PLEC: variants seen among roughly 807,000 people sequenced by gnomAD.
The protein encoded by PLEC is plectin.
PLEC carries 216 observed loss-of-function variants against 392.8 expected under a neutral mutation model. The observed-to-expected ratio is 0.55, with a 90% confidence interval of 0.49 to 0.62. The LOEUF is 0.62. PLEC is among the 20% of genes least tolerant of loss of function. The pLI, the probability that PLEC is intolerant of heterozygous loss-of-function variation, is 0.00. For synonymous variants in PLEC, 3,621 were observed against 2,980.6 expected, an observed-to-expected ratio of 1.21 and a Z score of -7.00; for missense variants, 6,863 against 6,563.4, an observed-to-expected ratio of 1.05 and a Z score of -1.58.
intron 25 of PLEC, among the ~76,000 whole-genome samples, 162 bp from the exon 26 acceptor site, chr8:143,928,154 C>G (rs1278083937): frequency 1.3e-5 from 2 of 152,278 alleles, no homozygotes; most frequent in Admixed American, 6.5e-5. Context: ...AGGAGAAGAA[C>G]AGCCTTGGGG....
At chr8:143,953,517 G>A (rs940852331), upstream of PLEC, among the ~76,000 whole-genome samples, 10 of 152,150 alleles carry the variant, frequency 6.6e-5, no homozygotes, top group African/African-American at 9.6e-5. Context: ...GCAGGGCTGC[G>A]GAGCCGCTGA....
At chr8:143,945,627 C>T (rs571366242) in intron 1 of PLEC, among the ~76,000 whole-genome samples, 14 of 152,336 alleles carry the variant, frequency 9.2e-5, no homozygotes, top group African/African-American at 3.1e-4. Context: ...ACCATGAAGG[C>T]CTCATACAGA....
At chr8:143,934,519 C>T (rs1828428167) in intron 10 of PLEC, 74 bp from the exon 11 acceptor site, 1 of 1,601,350 alleles carries the variant, frequency 6.2e-7, no homozygotes, top group Non-Finnish European at 8.5e-7. Context: ...CAGACCCCAG[C>T]CCACCAGACC....
rs372420776 is a variant in PLEC, at chr8:143,922,691, A to G, written c.7238T>C (p.Ile2413Thr). The G allele has an allele frequency of 6.2e-7, 1 of 1,612,530 alleles. No individual in the cohort carries two copies. The highest frequency in any genetic ancestry group is 8.5e-7 in the Non-Finnish European group (1 of 1,179,842). The change falls in exon 31 of 32, where the codon ATC (isoleucine) becomes ACC (threonine). Residue 2413 changes from isoleucine to threonine, a missense_variant. By Grantham distance (89) the Ile-to-Thr change is moderately conservative (BLOSUM62 -1). Transcript: ENST00000345136. ...CTCCGTGCGGTGCAGCTTCTCACCG[A>G]TCTCCTCCGCCTGCTTCCGGAAGCG... ...AQRFRKQAEE[I>T]GEKLHRTELA...
chr8:143,939,748 G>A (rs558075071), upstream of PLEC, among the ~76,000 whole-genome samples: 4 of 152,054 alleles, frequency 2.6e-5, no homozygotes, highest in Non-Finnish European at 5.9e-5. Context: ...CCCTCGGCCC[G>A]CCAGAAACAG....
rs782098286 is a variant in PLEC, at chr8:143,919,897, G to C, written c.9924C>G (p.Leu3308=). Residue 3308 remains leucine (L), a synonymous_variant, in exon 32 of 32, where the codon CTC becomes CTG. Coordinates refer to ENST00000345136, the MANE Select transcript of PLEC (RefSeq NM_201384.3). Reference sequence around the variant, plus strand: ...GCTCGCTGGCTGGCACAGGGGCACGGAGGCCGCTGAAGGACAGCCTCTCCT... The same window carrying C: ...GCTCGCTGGCTGGCACAGGGGCACGCAGGCCGCTGAAGGACAGCCTCTCCT... The part of the protein sequence containing the change: ...LRQERLSFSG[L]RAPVPASELL... 1.9e-6 allele frequency: 3 copies of C among 1,613,096 alleles called. No individual in the cohort carries two copies. Among genetic ancestry groups the C allele is most frequent in the East Asian group, 4.5e-5 (2 of 44,882 alleles).
At position 143,925,403 on chromosome 8, in the gene PLEC, C is replaced by T. The variant is rs782666455; in HGVS notation, c.4526G>A (p.Arg1509His). 620 of 1,589,734 alleles carry T rather than the reference C, an allele frequency of 3.9e-4. 1 individual carries two copies. The highest frequency in any genetic ancestry group is 4.9e-4 in the East Asian group (22 of 44,552). Residue 1509 changes from arginine to histidine, a missense_variant, in exon 31 of 32, where the codon CGT becomes CAT. Physicochemically the swap from Arg to His is conservative, Grantham distance 29. Coordinates refer to ENST00000345136, the MANE Select transcript of PLEC (RefSeq NM_201384.3). ...CAGCTCCACCTCCGCCTGCCGCTTA[C>T]GCTGGCTCTCGTCCTGCACCTGCCT... is the stretch of plus-strand genomic sequence containing the variant. ...LRRQVQDESQRKRQAEVELAS... is the reference protein window; with the variant it reads ...LRRQVQDESQHKRQAEVELAS...
intron 1 of PLEC, among the ~76,000 whole-genome samples, chr8:143,966,376 A>G (rs889731343): frequency 1.2e-4 from 18 of 152,124 alleles, no homozygotes; most frequent in African/African-American, 4.3e-4. Flanking sequence ...CCTGCACCTC[A>G]GTGTCTGCAC....
intron 16 of PLEC, 63 bp downstream of exon 16, chr8:143,932,337 G>A: frequency 6.2e-7 from 1 of 1,609,254 alleles, no homozygotes. Flanking sequence ...TGACCATAGG[G>A]GACGGCCAGG....
chr8:143,939,634 G>A (rs1339520283), upstream of PLEC: 56 of 1,427,180 alleles, frequency 3.9e-5, no homozygotes, highest in Non-Finnish European at 4.5e-5. Context: ...TGTACTCCCC[G>A]GCGAGGCCGG....
intron 1 of PLEC, among the ~76,000 whole-genome samples, chr8:143,966,814 T>C (rs906562727): frequency 6.6e-6 from 1 of 152,134 alleles, no homozygotes; most frequent in South Asian, 2.1e-4. Flanking sequence ...CAATCATCCC[T>C]GTAACCCACA....
rs112253316 is a variant in PLEC at position 143,927,249 on chromosome 8, C to T, written c.3840+3G>A. On this transcript the variant is annotated splice_donor_region_variant and intron_variant, in intron 28 of 31. Transcript: ENST00000345136. ...GGGCCTGGTGCAGGCGGCTGGGCCT[C>T]ACCTTGATGGCGTTGATGTACTGTT... The T allele has an allele frequency of 6.2e-7, 1 of 1,612,956 alleles. No individual in the cohort carries two copies. Among genetic ancestry groups the T allele is most frequent in the South Asian group, 1.1e-5 (1 of 91,088 alleles).
intron 3 of PLEC, among the ~76,000 whole-genome samples, 170 bp downstream of exon 3, chr8:143,937,981 G>A (rs1460355369): frequency 6.6e-6 from 1 of 152,214 alleles, no homozygotes; most frequent in African/African-American, 2.4e-5. Context: ...CAGCAGCCTG[G>A]GCGGGAGGTG....
At chr8:143,972,592 G>T (rs1422308869) in intron 1 of PLEC, among the ~76,000 whole-genome samples, 1 of 152,212 alleles carries the variant, frequency 6.6e-6, no homozygotes, top group Non-Finnish European at 1.5e-5. Context: ...GCTCTGATCG[G>T]CTCTGCCTGG....
At chr8:143,936,939 C>T (rs1364669025) in intron 5 of PLEC, 40 bp downstream of exon 5, 2 of 1,493,244 alleles carry the variant, frequency 1.3e-6, no homozygotes, top group Non-Finnish European at 9.3e-7. Context: ...ACCCTGGAAA[C>T]TCCTGCAGGG....
rs782066152 is a variant in PLEC at position 143,919,405 on chromosome 8, G to A, written c.10416C>T (p.Gly3472=). 153 of 1,613,408 alleles carry A rather than the reference G, an allele frequency of 9.5e-5. 2 individuals are homozygous for A. In the East Asian group the frequency reaches 2.7e-3, roughly 29 times the overall value. ...IRLLEAQIAT[G]GIIDPVHSHR... ...GGCTGTGCACGGGGTCGATGATGCC[G>A]CCCGTGGCGATCTGGGCCTCCAGCA... Residue 3472 remains glycine (G), a synonymous_variant, in exon 32 of 32, where the codon GGC becomes GGT. Transcript: ENST00000345136.
rs782387848 is a variant in PLEC at position 143,929,322 on chromosome 8, C to T, written c.3082-41G>A. 5.0e-6 allele frequency: 8 copies of T among 1,592,904 alleles called. No individual in the cohort carries two copies. In the African/African-American group the frequency reaches 1.1e-4, roughly 21 times the overall value. Reference sequence around the variant, plus strand: ...GTGGGAACGCACTCATCACCGAGCGCAGCACACAGCGCCCCTTGAAGGCCA... The same window carrying T: ...GTGGGAACGCACTCATCACCGAGCGTAGCACACAGCGCCCCTTGAAGGCCA... On this transcript the variant is annotated intron_variant, in intron 24 of 31. Coordinates refer to ENST00000345136, the MANE Select transcript of PLEC (RefSeq NM_201384.3).
rs1554679776 is a variant in PLEC, at chr8:143,919,877, C to T, written c.9944G>A (p.Ser3315Asn). 2.5e-6 allele frequency: 4 copies of T among 1,613,190 alleles called. No individual in the cohort carries two copies. The highest frequency in any genetic ancestry group is 2.5e-6 in the Non-Finnish European group (3 of 1,180,026). Residue 3315 changes from serine to asparagine, a missense_variant, in exon 32 of 32, where the codon AGC becomes AAC. Physicochemically the swap from Ser to Asn is conservative, Grantham distance 46. Coordinates refer to ENST00000345136, the MANE Select transcript of PLEC (RefSeq NM_201384.3). ...FSGLRAPVPA[S>N]ELLASGVLSR... ...GAGGACCCCGGAAGCCAGGAGCTCG[C>T]TGGCTGGCACAGGGGCACGGAGGCC...
chr8:143,921,992 G>A lies in PLEC; in HGVS notation c.7829C>T (p.Ala2610Val), dbSNP rs782085255. 37 of 1,598,254 alleles carry A rather than the reference G, an allele frequency of 2.3e-5. No homozygotes were observed. The highest frequency in any genetic ancestry group is 1.7e-4 in the African/African-American group (13 of 74,928). The stretch of plus-strand genomic sequence containing the variant: ...CGAGGCAGTGACCTCCTCTGAGTGC[G>A]CCAGCGCGGCCCGGTGCTGCTCCTC... ...LLEEQHRAAL[A>V]HSEEVTASQV... Residue 2610 changes from alanine (A) to valine (V), a missense_variant, in exon 32 of 32, where the codon GCG becomes GTG. By Grantham distance (64) the Ala-to-Val change is moderately conservative. Coordinates refer to ENST00000345136, the MANE Select transcript of PLEC (RefSeq NM_201384.3).
Sources: allele counts gnomAD v4.1 joint callset (sites outside exome capture counted in the v4.1 genomes callset), GRCh38; gene constraint gnomAD v4.1.1; transcripts MANE v1.5; gene names NCBI Gene and HGNC (gene_info 2026-07-23, HGNC 2026-07-21).